IP6K3: variants seen among roughly 807,000 people sequenced by gnomAD.
The protein encoded by IP6K3 is ATP:1D-myo-inositol-hexakisphosphate phosphotransferase.
IP6K3 carries 20 observed loss-of-function variants against 28.8 expected under a neutral mutation model. The observed-to-expected ratio is 0.70, with a 90% CI of 0.49 to 1.01. The LOEUF is 1.01. Among genes scored for constraint, IP6K3 ranks in the 50% least tolerant of loss-of-function variants. The pLI is 0.00. For synonymous variants in IP6K3, 213 were observed against 221.3 expected, an observed-to-expected ratio of 0.96 and a Z score of 0.33; for missense variants, 480 against 537.1, an observed-to-expected ratio of 0.89 and a Z score of 1.05.
rs1278966168 is a variant in IP6K3 at position 33,723,024 on chromosome 6, A to C, written c.929T>G (p.Leu310Arg). Reference protein sequence around the residue: ...EPILHQLRALLSVIRSQSSYR... With the variant: ...EPILHQLRALRSVIRSQSSYR... ...TGAACTCTGGCTCCTAATGACAGAG[A>C]GGAGGGCCCGGAGCTGGTGCAGGAT... is the stretch of plus-strand genomic sequence containing the variant. The change falls in exon 6 of 6, where the codon CTC becomes CGC. Residue 310 changes from leucine to arginine, a missense_variant. By Grantham distance (102) the Leu-to-Arg change is moderately radical. Coordinates refer to ENST00000293756, the MANE Select transcript of IP6K3 (RefSeq NM_054111.5). 2 of 1,614,092 alleles carry C rather than the reference A, an allele frequency of 1.2e-6. No homozygotes were observed. Among genetic ancestry groups the C allele is most frequent in the Admixed American group, 3.3e-5 (2 of 60,014 alleles).
intron 2 of IP6K3, among the ~76,000 whole-genome samples, chr6:33,729,830 C>T (rs1766254913): frequency 6.6e-6 from 1 of 152,030 alleles, no homozygotes; most frequent in Admixed American, 6.5e-5. Context: ...TCTCTTGCCT[C>T]AGCCTTCCGA....
chr6:33,730,579 T>G (rs1041735804), intron 2 of IP6K3, among the ~76,000 whole-genome samples: 26 of 152,344 alleles, frequency 1.7e-4, no homozygotes, highest in African/African-American at 6.3e-4. Context: ...AGACAGGGGC[T>G]GACGGCAGGT....
intron 5 of IP6K3, 71 bp from the exon 6 acceptor site, chr6:33,723,258 G>C (rs1281092639): frequency 7.9e-6 from 8 of 1,007,756 alleles, no homozygotes; most frequent in Non-Finnish European, 1.1e-5. Context: ...TACGGTTGCA[G>C]CATCATAAGC....
upstream of IP6K3, among the ~76,000 whole-genome samples, chr6:33,747,076 G>A (rs1045806963): frequency 6.0e-5 from 9 of 149,284 alleles, no homozygotes; most frequent in African/African-American, 2.3e-4. The surrounding 1 kb of genome is among the most constrained non-coding windows in gnomAD (Gnocchi z 5.2). Context: ...GAGAAGAGGG[G>A]AGGAGGAAAG....
rs1765955454 is a variant in IP6K3 at position 33,722,861 on chromosome 6, GT to G, written c.1091del (p.Asp364AlafsTer4). ...TATGAGCAAAGTCAATCATGCGGAT[GT>G]CAACCTTGGTGAGACCACCGGGAGA... The part of the protein sequence containing the change: ...GSSPGGLTKV[D>X]IRMIDFAHTT... On this transcript the variant is annotated frameshift_variant, in exon 6 of 6. Coordinates refer to ENST00000293756, the MANE Select transcript of IP6K3 (RefSeq NM_054111.5). LOFTEE classifies it high-confidence loss of function. 5 of 1,613,848 alleles carry G rather than the reference GT, an allele frequency of 3.1e-6. No individual in the cohort carries two copies. The highest frequency in any genetic ancestry group is 1.3e-5 in the African/African-American group (1 of 74,888).
intron 2 of IP6K3, among the ~76,000 whole-genome samples, chr6:33,731,466 C>CA (rs1172903713): frequency 6.6e-6 from 1 of 152,214 alleles, no homozygotes; most frequent in Non-Finnish European, 1.5e-5. Flanking sequence ...AGCAGAGGTG[C>CA]AAATAACCCA....
rs150354911 is a variant in IP6K3 at position 33,728,701 on chromosome 6, G to A, written c.200-401C>T. On this transcript the variant is annotated intron_variant, in intron 2 of 5. Transcript: ENST00000293756. ...GGGGGCATTGGAGCTGGTCCTCTGC[G>A]AAGGGGCCGCCCACCTCAGAGTGCC... 3.1e-3 allele frequency among the ~76,000 whole-genome samples: 474 copies of A among 152,328 alleles called. 1 individual carries two copies. The highest frequency in any genetic ancestry group is 0.01 in the Middle Eastern group (3 of 294).
At chr6:33,757,379 C>T in the IP6K3 span, among the ~76,000 whole-genome samples, 8 of 152,218 alleles carry the variant, frequency 5.3e-5, no homozygotes, top group Non-Finnish European at 1.5e-5. Context: ...GTTCCAGAGG[C>T]GCCTTGGTGC....
At chr6:33,739,172 G>A (rs1766634411) in intron 1 of IP6K3, 1 of 152,202 alleles carries the variant, frequency 6.6e-6, no homozygotes, top group Admixed American at 6.5e-5. Flanking sequence ...AGACCCCTGG[G>A]CCTTCAGTGC....
upstream of IP6K3, among the ~76,000 whole-genome samples, chr6:33,750,508 T>G (rs1435992721): frequency 6.6e-6 from 1 of 152,160 alleles, no homozygotes; most frequent in Non-Finnish European, 1.5e-5. The surrounding 1 kb of genome is among the most constrained non-coding windows in gnomAD (Gnocchi z 4.3). Context: ...ACCTCGTCCC[T>G]TTTTTTAGAA....
At chr6:33,756,012 G>A in the IP6K3 span, among the ~76,000 whole-genome samples, 1 of 152,174 alleles carries the variant, frequency 6.6e-6, no homozygotes, top group Non-Finnish European at 1.5e-5. Flanking sequence ...TTACAGGCAT[G>A]TGCCATCATG....
intron 2 of IP6K3, 143 bp from the exon 3 acceptor site, chr6:33,728,443 G>A: frequency 1.3e-6 from 1 of 754,378 alleles, no homozygotes. Context: ...TCAAGGAAGA[G>A]CTATGGGACT....
At chr6:33,737,139 A>G (rs1561907768) in intron 1 of IP6K3, among the ~76,000 whole-genome samples, 1 of 150,812 alleles carries the variant, frequency 6.6e-6, no homozygotes, top group Non-Finnish European at 1.5e-5. Context: ...TCCCCCTCCC[A>G]CTCCTCTTAC....
At position 33,735,766 on chromosome 6, in the gene IP6K3, G is replaced by A. The variant is rs76999906; in HGVS notation, c.-179-111C>T. On this transcript the variant is annotated intron_variant, in intron 1 of 5. Coordinates refer to ENST00000293756, the MANE Select transcript of IP6K3 (RefSeq NM_054111.5). ...CGACCCCAGAACAGGTTCCTCACTG[G>A]TACCTTAAACAGGACTGTAAATATC... is the stretch of plus-strand genomic sequence containing the variant. 2,550 of 513,278 alleles carry A rather than the reference G, an allele frequency of 5.0e-3. 42 individuals carry two copies. The highest frequency in any genetic ancestry group is 0.041 in the African/African-American group (2,076 of 50,948). 31.8% of individuals were successfully genotyped at this position (513,278 alleles called of 1,614,324 possible).
chr6:33,750,497 C>G (rs565255367), upstream of IP6K3, among the ~76,000 whole-genome samples: 116 of 152,296 alleles, frequency 7.6e-4, 1 homozygote, highest in African/African-American at 2.4e-3. This position sits in a 1 kb window ranked among gnomAD's most constrained non-coding sequence, Gnocchi z 4.3. Context: ...CACAGTCCAC[C>G]ACCTCGTCCC....
At chr6:33,749,077 T>G (rs553795340), upstream of IP6K3, among the ~76,000 whole-genome samples, 5 of 152,012 alleles carry the variant, frequency 3.3e-5, no homozygotes, top group Admixed American at 2.6e-4. Context: ...TGGACTCACA[T>G]CCCTATTCTG....
chr6:33,723,292 T>C (rs1765981373), intron 5 of IP6K3, 105 bp from the exon 6 acceptor site: 1 of 736,402 alleles, frequency 1.4e-6, no homozygotes, highest in Non-Finnish European at 2.2e-6. Flanking sequence ...GAACAGATTT[T>C]TAGGAGATGT....
At position 33,722,805 on chromosome 6, in the gene IP6K3, G is replaced by A. The variant is rs756280597; in HGVS notation, c.1148C>T (p.Thr383Ile). 12 of 1,614,054 alleles carry A rather than the reference G, an allele frequency of 7.4e-6. No individual in the cohort carries two copies. In the East Asian group the frequency reaches 2.2e-4, roughly 30 times the overall value. ...TTYKGYWNEH[T>I]TYDGPDPGYI... is the part of the protein sequence containing the mutation. ...GCCAGGGTCTGGTCCATCGTAGGTG[G>A]TGTGCTCATTCCAGTAGCCCTTGTA... Residue 383 changes from threonine to isoleucine, a missense_variant, in exon 6 of 6, where the codon ACC becomes ATC. Physicochemically the swap from Thr to Ile is moderately conservative, Grantham distance 89. Transcript: ENST00000293756.
At chr6:33,733,150 C>T (rs1272667836) in intron 2 of IP6K3, among the ~76,000 whole-genome samples, 1 of 152,240 alleles carries the variant, frequency 6.6e-6, no homozygotes, top group Non-Finnish European at 1.5e-5. Context: ...ACCCAGGTCC[C>T]TCCTGGCTTA....
Sources: gnomAD v4.1 joint callset for allele counts (sites outside exome capture counted in the v4.1 genomes callset) on GRCh38, gnomAD v4.1.1 for gene constraint, Gnocchi (gnomAD v3.1) non-coding constraint, MANE v1.5 for transcripts, NCBI Gene and HGNC (gene_info 2026-07-23, HGNC 2026-07-21) for gene names.